Variants in OPCML observed in about 807,000 individuals in gnomAD.
OPCML encodes opioid binding protein/cell adhesion molecule like.
In OPCML, 13 loss-of-function variants were observed where a neutral mutation model predicts 37.8. That is an observed-to-expected ratio of 0.34 (90% CI 0.22 to 0.55). OPCML has a LOEUF of 0.55. Ranked by LOEUF, OPCML falls within the 20% of genes least tolerant of loss-of-function variation. The probability of loss-of-function intolerance (pLI) is 0.91; values close to 1 mark genes in which losing one functional copy is unlikely to be tolerated. For missense variants in OPCML, 341 were observed against 435.6 expected, an observed-to-expected ratio of 0.78 and a Z score of 1.93; for synonymous variants, 176 against 168.8, an observed-to-expected ratio of 1.04 and a Z score of -0.33.
At chr11:133,162,233 G>A (rs1950153164) in intron 1 of OPCML, among the ~76,000 whole-genome samples, 1 of 152,106 alleles carries the variant, frequency 6.6e-6, no homozygotes, top group African/African-American at 2.4e-5. Context: ...CTAAAGGGGT[G>A]TGATGGCCTC....
chr11:132,457,965 G>T (rs113814911), intron 4 of OPCML, among the ~76,000 whole-genome samples: 1 of 152,222 alleles, frequency 6.6e-6, no homozygotes, highest in Non-Finnish European at 1.5e-5. Context: ...TTCCAGAGAG[G>T]AGAGCCAGTC....
chr11:132,678,381 A>T (rs7933851), intron 2 of OPCML, among the ~76,000 whole-genome samples: 6,199 of 152,278 alleles, frequency 0.041, 378 homozygotes, highest in African/African-American at 0.13. Context: ...AATCCAACAA[A>T]TGTCCTTTTT....
intron 3 of OPCML, among the ~76,000 whole-genome samples, chr11:132,631,011 C>T (rs1940067629): frequency 6.6e-6 from 1 of 151,936 alleles, no homozygotes; most frequent in East Asian, 1.9e-4. Flanking sequence ...ATGAAAGAAG[C>T]TAAATGCAAT....
chr11:132,994,631 C>A (rs1261286336), intron 1 of OPCML, among the ~76,000 whole-genome samples: 5 of 152,136 alleles, frequency 3.3e-5, no homozygotes, highest in Non-Finnish European at 5.9e-5. Flanking sequence ...ACCCACCCAC[C>A]GGTACCTGAC....
At chr11:132,978,990 A>G (rs1289054211) in intron 1 of OPCML, among the ~76,000 whole-genome samples, 1 of 152,176 alleles carries the variant, frequency 6.6e-6, no homozygotes, top group African/African-American at 2.4e-5. Context: ...CATGTTTCAC[A>G]TCGCAACAAA....
intron 1 of OPCML, among the ~76,000 whole-genome samples, chr11:133,428,428 T>A (rs1219999625): frequency 1.3e-5 from 2 of 152,300 alleles, no homozygotes; most frequent in Admixed American, 6.5e-5. Flanking sequence ...TCATTATGTC[T>A]CCTTCAAAAA....
chr11:132,914,836 C>A (rs948215311), intron 2 of OPCML, among the ~76,000 whole-genome samples: 1 of 152,186 alleles, frequency 6.6e-6, no homozygotes, highest in Non-Finnish European at 1.5e-5. Context: ...CGCCATTACA[C>A]AACACAAGGT....
At chr11:132,706,517 G>A (rs1944040913) in intron 2 of OPCML, among the ~76,000 whole-genome samples, 1 of 152,110 alleles carries the variant, frequency 6.6e-6, no homozygotes, top group African/African-American at 2.4e-5. Context: ...AAATGATGTT[G>A]CCTGAAGAAA....
intron 2 of OPCML, among the ~76,000 whole-genome samples, chr11:132,677,565 A>G (rs1389384171): frequency 6.6e-6 from 1 of 152,178 alleles, no homozygotes; most frequent in African/African-American, 2.4e-5. Flanking sequence ...ATAGACTCCA[A>G]GTAAATGGGA....
intron 1 of OPCML, among the ~76,000 whole-genome samples, chr11:133,370,655 T>C (rs1944654185): frequency 6.6e-6 from 1 of 151,998 alleles, no homozygotes; most frequent in Non-Finnish European, 1.5e-5. Context: ...AAAATGGCCA[T>C]GGAAAAAATC....
intron 1 of OPCML, among the ~76,000 whole-genome samples, chr11:133,514,086 G>T (rs1948213536): frequency 6.6e-6 from 1 of 152,180 alleles, no homozygotes; most frequent in Admixed American, 6.5e-5. Flanking sequence ...GGCTGGTCAC[G>T]AAACGAAAAC....
chr11:132,979,636 G>C (rs760197050), intron 1 of OPCML, among the ~76,000 whole-genome samples: 21 of 152,152 alleles, frequency 1.4e-4, no homozygotes, highest in Non-Finnish European at 2.6e-4. Context: ...TTGTTTATGT[G>C]TTTACAAATT....
rs529289514 is a variant in OPCML, at chr11:132,755,110, T to C, written c.147-97791A>G. Among the ~76,000 whole-genome samples the C allele has an allele frequency of 3.9e-4, 59 of 152,362 alleles. No individual in the cohort carries two copies. In the South Asian group the frequency reaches 5.2e-3, roughly 13 times the overall value. ...ATTGAACCATAGAAAACTACTGTTT[T>C]TAGGTCAAAATGGTCTAATATTGAC... On this transcript the variant is annotated intron_variant, in intron 2 of 7. Coordinates refer to ENST00000524381, the MANE Select transcript of OPCML (RefSeq NM_001012393.5).
intron 1 of OPCML, among the ~76,000 whole-genome samples, chr11:133,407,088 C>G (rs1013732823): frequency 2.0e-5 from 3 of 152,160 alleles, no homozygotes; most frequent in Non-Finnish European, 4.4e-5. Context: ...GTATATTTCT[C>G]CCCTCTAGGT....
chr11:133,150,568 T>A (rs892726432), intron 1 of OPCML, among the ~76,000 whole-genome samples: 2 of 152,206 alleles, frequency 1.3e-5, no homozygotes, highest in Admixed American at 6.5e-5. Context: ...TGAAGCCACT[T>A]GATGCCTTGG....
At chr11:133,393,795 G>A (rs1945227203) in intron 1 of OPCML, among the ~76,000 whole-genome samples, 1 of 152,208 alleles carries the variant, frequency 6.6e-6, no homozygotes, top group African/African-American at 2.4e-5. Context: ...GGTTCTAGAA[G>A]ATTTTCTCCT....
intron 1 of OPCML, among the ~76,000 whole-genome samples, chr11:133,277,544 G>A (rs1453694017): frequency 6.6e-6 from 1 of 152,080 alleles, no homozygotes; most frequent in Non-Finnish European, 1.5e-5. Flanking sequence ...ATCTGAGCCT[G>A]GACAATGGCC....
chr11:132,495,559 A>G (rs1285752791), intron 4 of OPCML, among the ~76,000 whole-genome samples: 1 of 152,170 alleles, frequency 6.6e-6, no homozygotes, highest in Non-Finnish European at 1.5e-5. Flanking sequence ...AAATTATTTG[A>G]GGCTTATATA....
At position 132,986,947 on chromosome 11, in the gene OPCML, C is replaced by T. The variant is rs1436216707; in HGVS notation, c.62-43937G>A. Among the ~76,000 whole-genome samples, 10 of 152,182 alleles carry T rather than the reference C, an allele frequency of 6.6e-5. 1 individual carries two copies. The highest frequency in any genetic ancestry group is 6.5e-4 in the Admixed American group (10 of 15,270). On this transcript the variant is annotated intron_variant, in intron 1 of 7. Coordinates refer to ENST00000524381, the MANE Select transcript of OPCML (RefSeq NM_001012393.5). The stretch of plus-strand genomic sequence containing the variant: ...TACTCTTACAGGTTATCCAAGCCAG[C>T]ACTCTGAGTGAGATGAGGCGAACAT...
Sources: allele counts gnomAD v4.1 joint callset (sites outside exome capture counted in the v4.1 genomes callset), GRCh38; gene constraint gnomAD v4.1.1; transcripts MANE v1.5; gene names NCBI Gene and HGNC (gene_info 2026-07-23, HGNC 2026-07-21).